ANKHD1: variants seen among roughly 807,000 people sequenced by gnomAD.
The protein encoded by ANKHD1 is ankyrin repeat and KH domain-containing protein 1.
In ANKHD1, 31 loss-of-function variants were observed where a neutral mutation model predicts 230.5. The observed-to-expected ratio is 0.13, with a 90% CI of 0.10 to 0.18. The LOEUF (loss-of-function observed/expected upper bound fraction) is 0.18, where lower values mean the gene tolerates loss of function less well. Among genes scored for constraint, ANKHD1 ranks in the 10% least tolerant of loss-of-function variants. ANKHD1 has a pLI of 1.00. For missense variants in ANKHD1, 2,256 were observed against 3,071.3 expected (o/e 0.73, Z 6.27); for synonymous variants, 1,074 against 1,117.6 (o/e 0.96, Z 0.78).
chr5:140,421,143 G>A (rs1432959), intron 1 of ANKHD1, among the ~76,000 whole-genome samples: 101,139 of 151,886 alleles, frequency 0.67, 34,122 homozygotes, highest in East Asian at 0.84. Context: ...TTTAGAAGAG[G>A]TAAGACCGAA....
intron 10 of ANKHD1, among the ~76,000 whole-genome samples, chr5:140,469,506 C>T (rs1776341905): frequency 6.6e-6 from 1 of 151,956 alleles, no homozygotes; most frequent in Non-Finnish European, 1.5e-5. Context: ...GACCCTATCT[C>T]AAAAACAAAC....
intron 10 of ANKHD1, among the ~76,000 whole-genome samples, chr5:140,474,120 T>A (rs931690605): frequency 1.3e-5 from 2 of 152,240 alleles, no homozygotes; most frequent in African/African-American, 2.4e-5. Context: ...GGTTTTTCTC[T>A]CTGTTACTTG....
At chr5:140,404,984 TG>T in intron 1 of ANKHD1, among the ~76,000 whole-genome samples, 1 of 146,880 alleles carries the variant, frequency 6.8e-6, no homozygotes, top group Non-Finnish European at 1.5e-5. Flanking sequence ...TGTGTGTGTG[TG>T]TGTGTGTGTG....
At chr5:140,426,614 T>A (rs931567496) in intron 1 of ANKHD1, among the ~76,000 whole-genome samples, 3 of 152,052 alleles carry the variant, frequency 2.0e-5, no homozygotes, top group African/African-American at 7.2e-5. Context: ...GGTCAGCAGA[T>A]AAACAAGTGA....
intron 29 of ANKHD1, among the ~76,000 whole-genome samples, chr5:140,533,978 ATTGCCTACTG>A (rs1753960116): frequency 6.6e-6 from 1 of 152,136 alleles, no homozygotes; most frequent in South Asian, 2.1e-4. Flanking sequence ...ACAGTAATAA[ATTGCCTACTG>A]TTGCCTACCA....
chr5:140,441,123 C>A lies in ANKHD1; in HGVS notation c.894C>A (p.Val298=). 1 of 1,600,760 alleles carries A rather than the reference C, an allele frequency of 6.2e-7. No homozygotes were observed. The highest frequency in any genetic ancestry group is 8.5e-7 in the Non-Finnish European group (1 of 1,175,118). ...TATTACTTCTTCATGATGCTGATGT[C>A]AACTCCCAGTCTGCAACAGGTATGT... The part of the protein sequence containing the change: ...VKLLLLHDAD[V]NSQSATGNTA... The change falls in exon 5 of 34, where the codon GTC becomes GTA. Residue 298 remains valine (V), a synonymous_variant. Transcript: ENST00000360839.
chr5:140,418,025 A>T (rs1771550179), intron 1 of ANKHD1, among the ~76,000 whole-genome samples: 1 of 150,304 alleles, frequency 6.7e-6, no homozygotes, highest in Non-Finnish European at 1.5e-5. Context: ...TATTTTTAGT[A>T]GAGATGGGGT....
At position 140,526,147 on chromosome 5, in the gene ANKHD1, C is replaced by G; in HGVS notation, c.4644C>G (p.Asn1548Lys). The G allele has an allele frequency of 2.5e-6, 4 of 1,613,550 alleles. No individual in the cohort carries two copies. The highest frequency in any genetic ancestry group is 3.4e-6 in the Non-Finnish European group (4 of 1,179,914). The change falls in exon 26 of 34, where the codon AAC becomes AAG. Residue 1548 changes from asparagine (N) to lysine (K), a missense_variant. This residue lies in a region of ANKHD1 where 212 missense variants were observed against 257.3 expected (regional missense o/e 0.82). Transcript: ENST00000360839. ...TPSTNRKNKK[N>K]KTKETPPTAH... Reference sequence around the variant, plus strand: ...GCACCAATCGGAAAAATAAGAAGAACAAAACAAAAGAAACCCCTCCTACAG... The same window carrying G: ...GCACCAATCGGAAAAATAAGAAGAAGAAAACAAAAGAAACCCCTCCTACAG...
At chr5:140,482,753 A>C in intron 11 of ANKHD1, 86 bp downstream of exon 11, 2 of 1,402,906 alleles carry the variant, frequency 1.4e-6, no homozygotes, top group Non-Finnish European at 2.0e-6. Flanking sequence ...TGTTATGGCT[A>C]CTTTACCTAC....
intron 15 of ANKHD1, 150 bp from the exon 16 acceptor site, chr5:140,504,670 TA>T: frequency 9.8e-7 from 1 of 1,020,830 alleles, no homozygotes; most frequent in Non-Finnish European, 1.4e-6. Context: ...TTGGAACTAA[TA>T]TTTAAATGTA....
chr5:140,475,893 T>C (rs1750939586), intron 10 of ANKHD1, among the ~76,000 whole-genome samples: 1 of 152,152 alleles, frequency 6.6e-6, no homozygotes, highest in African/African-American at 2.4e-5. Flanking sequence ...TCAAGAAAGA[T>C]AGTCAAAATG....
chr5:140,411,690 T>G (rs1770938025), intron 1 of ANKHD1, among the ~76,000 whole-genome samples: 1 of 151,558 alleles, frequency 6.6e-6, no homozygotes, highest in Non-Finnish European at 1.5e-5. Flanking sequence ...CAGCTAATTT[T>G]TTTTTGTATT....
chr5:140,493,676 C>CT (rs1262966155), intron 14 of ANKHD1, among the ~76,000 whole-genome samples: 3 of 152,188 alleles, frequency 2.0e-5, no homozygotes, highest in African/African-American at 7.2e-5. Flanking sequence ...GGCAATTCCA[C>CT]TAACTCCATG....
rs367631785 is a variant in ANKHD1, at chr5:140,528,734, A to T, written c.5788A>T (p.Thr1930Ser). ...ACCCTCAGAGTCTGCTGGACTAGCT[A>T]CTGCCAGTTGTCCTATCACTGTCTC... ...VLPSESAGLA[T>S]ASCPITVSSV... The change falls in exon 29 of 34, where the codon ACT (threonine) becomes TCT (serine). Residue 1930 changes from threonine (T) to serine (S), a missense_variant. Coordinates refer to ENST00000360839, the MANE Select transcript of ANKHD1 (RefSeq NM_017747.3). The T allele has an allele frequency of 1.9e-6, 3 of 1,614,060 alleles. No individual in the cohort carries two copies. Among genetic ancestry groups the T allele is most frequent in the African/African-American group, 2.7e-5 (2 of 74,932 alleles).
At chr5:140,457,767 C>T (rs1487810276) in intron 7 of ANKHD1, among the ~76,000 whole-genome samples, 1 of 151,564 alleles carries the variant, frequency 6.6e-6, no homozygotes, top group Non-Finnish European at 1.5e-5. Context: ...GAGGAGTTAA[C>T]GGATGCAGCA....
At chr5:140,521,715 C>A (rs1303525583) in intron 24 of ANKHD1, among the ~76,000 whole-genome samples, 2 of 152,210 alleles carry the variant, frequency 1.3e-5, no homozygotes, top group Non-Finnish European at 2.9e-5. Context: ...CACAGTGGCT[C>A]ATGCCTGTAA....
intron 1 of ANKHD1, 25 bp downstream of exon 1, chr5:140,402,298 C>T: frequency 1.4e-6 from 2 of 1,448,026 alleles, no homozygotes; most frequent in East Asian, 2.8e-5. Context: ...CCCTCGCCTC[C>T]CACACATTGT....
chr5:140,455,969 C>A (rs1394902513), intron 7 of ANKHD1, among the ~76,000 whole-genome samples: 6 of 152,132 alleles, frequency 3.9e-5, no homozygotes, highest in Non-Finnish European at 8.8e-5. Flanking sequence ...AAAACCCCAT[C>A]GTCTCAGCCA....
intron 1 of ANKHD1, among the ~76,000 whole-genome samples, chr5:140,417,486 T>C (rs1216074572): frequency 6.6e-6 from 1 of 152,068 alleles, no homozygotes; most frequent in African/African-American, 2.4e-5. Flanking sequence ...AGTGTCTCTG[T>C]CACTCAGGCT....
Sources: allele counts gnomAD v4.1 joint callset (sites outside exome capture counted in the v4.1 genomes callset), GRCh38; gene constraint gnomAD v4.1.1; regional missense constraint gnomAD v4.1.1; transcripts MANE v1.5; gene names NCBI Gene and HGNC (gene_info 2026-07-23, HGNC 2026-07-21).